Variants in KDM2B observed in about 807,000 individuals in gnomAD.
KDM2B encodes the protein lysine demethylase 2B.
KDM2B carries 26 observed loss-of-function variants against 150.0 expected under a neutral mutation model. The ratio of observed to expected loss-of-function variants is 0.17; its 90% CI spans 0.13 to 0.24. The LOEUF (loss-of-function observed/expected upper bound fraction) is 0.24. Among genes scored for constraint, KDM2B ranks in the 10% least tolerant of loss-of-function variants. The pLI, the probability that KDM2B is intolerant of heterozygous loss-of-function variation, is 1.00. For synonymous variants in KDM2B, 734 were observed against 729.5 expected (o/e 1.01, Z -0.10); for missense variants, 1,265 against 1,816.9 (o/e 0.70, Z 5.52).
rs61509046 is a variant in KDM2B at position 121,478,866 on chromosome 12, T to TTGTTTGTGTGTGTGTGTG, written c.1734+15712_1734+15713insCACACACACACACAAACA. ...CCACAACCGGCTAATTTTTGTTTGTTTGTGTGTGTGTGTGTGTGTGTGTGT... is the reference window on the plus strand; with the variant it reads ...CCACAACCGGCTAATTTTTGTTTGTTTGTTTGTGTGTGTGTGTGTGTGTGTGTGTGTGTGTGTGTGTGT... On this transcript the variant is annotated intron_variant, in intron 12 of 22. Coordinates refer to ENST00000377071, the MANE Select transcript of KDM2B (RefSeq NM_032590.5). Among the ~76,000 whole-genome samples, 413 of 131,208 alleles carry TTGTTTGTGTGTGTGTGTG rather than the reference T, an allele frequency of 3.1e-3. 1 individual carries two copies. The highest frequency in any genetic ancestry group is 8.3e-3 in the Admixed American group (98 of 11,782). The allele number at this position is 131,208 out of a possible 152,430, so 86.1% of individuals were successfully genotyped here.
chr12:121,443,313 G>A (rs1875509219), intron 17 of KDM2B: 2 of 579,908 alleles, frequency 3.4e-6, no homozygotes, highest in East Asian at 2.9e-5. Context: ...AATCATCCTC[G>A]GCTCTGGGAG....
At chr12:121,505,101 A>G (rs1884938617) in intron 11 of KDM2B, among the ~76,000 whole-genome samples, 1 of 144,448 alleles carries the variant, frequency 6.9e-6, no homozygotes, top group South Asian at 2.2e-4. Context: ...TGGGCAACAG[A>G]GCAAGACTCT....
At chr12:121,559,065 C>T (rs1331914373) in intron 4 of KDM2B, among the ~76,000 whole-genome samples, 1 of 152,244 alleles carries the variant, frequency 6.6e-6, no homozygotes, top group East Asian at 1.9e-4. Context: ...CCGCTGACTA[C>T]ACCTCAGCCT....
At chr12:121,576,494 C>T (rs1219368403) in intron 2 of KDM2B, among the ~76,000 whole-genome samples, 1 of 152,152 alleles carries the variant, frequency 6.6e-6, no homozygotes, top group African/African-American at 2.4e-5. Flanking sequence ...CATCACAGTC[C>T]TTGCTTCAGC....
At chr12:121,474,590 C>T (rs921690404) in intron 12 of KDM2B, among the ~76,000 whole-genome samples, 1 of 152,122 alleles carries the variant, frequency 6.6e-6, no homozygotes, top group Non-Finnish European at 1.5e-5. Context: ...TGCAGAAAAA[C>T]GTTTTGGTCA....
intron 22 of KDM2B, among the ~76,000 whole-genome samples, chr12:121,431,576 T>G (rs534286496): frequency 2.0e-5 from 3 of 152,156 alleles, no homozygotes; most frequent in Non-Finnish European, 4.4e-5. Flanking sequence ...ATCTGTGCTA[T>G]CTACATGTTA....
intron 12 of KDM2B, among the ~76,000 whole-genome samples, chr12:121,461,400 A>G (rs557297402): frequency 6.6e-6 from 1 of 152,320 alleles, no homozygotes; most frequent in East Asian, 1.9e-4. Flanking sequence ...TATTCTGGCA[A>G]CAGTGAGGGG....
chr12:121,429,435 G>C lies in KDM2B; in HGVS notation c.*853C>G, dbSNP rs1296490709. The C allele has an allele frequency of 1.3e-5, 2 of 154,072 alleles. No homozygotes were observed. Among genetic ancestry groups the C allele is most frequent in the African/African-American group, 4.8e-5 (2 of 41,462 alleles). 9.5% of individuals were successfully genotyped at this position (154,072 alleles called of 1,614,324 possible). A position where few individuals can be genotyped will look rare whatever the true frequency, so the allele number is the denominator to read the frequency against. ...ATAAATTAGATCTATGTAAGTACAA[G>C]AGCTCATGCTGGAGCAGAACCTCCT... On this transcript the variant is annotated 3_prime_UTR_variant, in exon 23 of 23. Transcript: ENST00000377071.
In KDM2B at chr12:121,478,856, T is replaced by TTTTGTTTG. The variant is rs1218251899; in HGVS notation, c.1734+15715_1734+15722dup. ...GCACGTACCACCACAACCGGCTAAT[T>TTTTGTTTG]TTTGTTTGTTTGTGTGTGTGTGTGT... On this transcript the variant is annotated intron_variant, in intron 12 of 22. Coordinates refer to ENST00000377071, the MANE Select transcript of KDM2B (RefSeq NM_032590.5). 7.9e-4 allele frequency among the ~76,000 whole-genome samples: 103 copies of TTTTGTTTG among 131,100 alleles called. 1 individual carries two copies. Among genetic ancestry groups the TTTTGTTTG allele is most frequent in the East Asian group, 2.8e-3 (11 of 3,986 alleles). The allele number at this position is 131,100 out of a possible 152,430, so 86.0% of individuals were successfully genotyped here. A position where few individuals can be genotyped will look rare whatever the true frequency, so the allele number is the denominator to read the frequency against.
At chr12:121,486,191 C>A (rs1163873042) in intron 12 of KDM2B, among the ~76,000 whole-genome samples, 1 of 151,700 alleles carries the variant, frequency 6.6e-6, no homozygotes, top group Non-Finnish European at 1.5e-5. Flanking sequence ...TCACTGCAAC[C>A]TCCACCTCCC....
At position 121,452,423 on chromosome 12, in the gene KDM2B, C is replaced by T. The variant is rs1449757691; in HGVS notation, c.1959+697G>A. ...GCCAGGCTGGGCCTGCAGATGAGCG[C>T]ACCAGGGCCGAGGAATCCCGTCCCT... On this transcript the variant is annotated intron_variant, in intron 13 of 22. Transcript: ENST00000377071. This position sits in a 1 kb window ranked among gnomAD's most constrained non-coding sequence, Gnocchi z 4.4. 6.6e-6 allele frequency among the ~76,000 whole-genome samples: 1 copy of T among 152,196 alleles called. No homozygotes were observed. Among genetic ancestry groups the T allele is most frequent in the African/African-American group, 2.4e-5 (1 of 41,456 alleles).
At chr12:121,410,544 C>G in the KDM2B span, among the ~76,000 whole-genome samples, 3 of 93,102 alleles carry the variant, frequency 3.2e-5, no homozygotes, top group South Asian at 1.2e-3. Context: ...CTCAAAACCA[C>G]CAAAAAAAAA....
chr12:121,555,373 A>C (rs1889812986), intron 4 of KDM2B, among the ~76,000 whole-genome samples: 1 of 152,044 alleles, frequency 6.6e-6, no homozygotes, highest in African/African-American at 2.4e-5. Flanking sequence ...GTCTGGGGTA[A>C]TTTTATTTTT....
intron 4 of KDM2B, among the ~76,000 whole-genome samples, chr12:121,573,234 C>T (rs941551706): frequency 7.3e-5 from 11 of 151,708 alleles, no homozygotes; most frequent in African/African-American, 7.3e-5. Context: ...GCTAGGATTA[C>T]AGGCATGAGC....
chr12:121,540,754 CAAAAAAAA>C (rs60199948), intron 6 of KDM2B, among the ~76,000 whole-genome samples: 3 of 64,480 alleles, frequency 4.7e-5, no homozygotes, highest in Admixed American at 1.7e-4. Flanking sequence ...GACTCTGTCT[CAAAAAAAA>C]AAAAAAAAAA....
chr12:121,546,369 T>C (rs1889040198), intron 6 of KDM2B, among the ~76,000 whole-genome samples: 1 of 146,798 alleles, frequency 6.8e-6, no homozygotes, highest in African/African-American at 2.6e-5. Flanking sequence ...CCTCTGTCTT[T>C]TTTTTTTGCC....
intron 6 of KDM2B, among the ~76,000 whole-genome samples, chr12:121,539,034 T>C (rs1888387447): frequency 6.6e-6 from 1 of 151,776 alleles, no homozygotes; most frequent in Admixed American, 6.6e-5. Flanking sequence ...AATGGTCCCA[T>C]AGCCACTGCA....
intron 8 of KDM2B, among the ~76,000 whole-genome samples, chr12:121,526,612 C>G (rs1022479330): frequency 5.3e-5 from 8 of 152,026 alleles, no homozygotes; most frequent in Non-Finnish European, 8.8e-5. Flanking sequence ...CCCAGCTACC[C>G]TAGAGGCTGT....
chr12:121,566,083 G>T (rs1304358746), intron 4 of KDM2B, among the ~76,000 whole-genome samples: 2 of 152,074 alleles, frequency 1.3e-5, no homozygotes, highest in African/African-American at 2.4e-5. Context: ...AAACAATAAG[G>T]CTTTTTGAGA....
Sources: allele counts gnomAD v4.1 joint callset (sites outside exome capture counted in the v4.1 genomes callset), GRCh38; gene constraint gnomAD v4.1.1; non-coding constraint Gnocchi (gnomAD v3.1); transcripts MANE v1.5; gene names NCBI Gene and HGNC (gene_info 2026-07-23, HGNC 2026-07-21).